Variants in TNRC6B observed in about 807,000 individuals in gnomAD.
The protein encoded by TNRC6B is trinucleotide repeat-containing gene 6B protein.
In TNRC6B, 52 loss-of-function variants were observed where a neutral mutation model predicts 203.6. That is an observed-to-expected ratio of 0.26 (90% confidence interval 0.20 to 0.32). The LOEUF is 0.32. Among genes scored for constraint, TNRC6B ranks in the 10% least tolerant of loss-of-function variants. The pLI, the probability that TNRC6B is intolerant of heterozygous loss-of-function variation, is 1.00. For missense variants in TNRC6B, 1,923 were observed against 2,286.2 expected, an observed-to-expected ratio of 0.84 and a Z score of 3.24; for synonymous variants, 838 against 845.7, an observed-to-expected ratio of 0.99 and a Z score of 0.16.
intron 22 of TNRC6B, 104 bp downstream of exon 22, chr22:40,321,333 G>C (rs2071331376): frequency 7.4e-7 from 1 of 1,347,660 alleles, no homozygotes. Context: ...CATATACGAA[G>C]AATGGCACCG....
intron 1 of TNRC6B, among the ~76,000 whole-genome samples, chr22:40,195,264 G>C (rs756928447): frequency 3.9e-5 from 6 of 152,170 alleles, no homozygotes; most frequent in Non-Finnish European, 7.3e-5. Context: ...TACATGCCAA[G>C]GAAGTTTAGA....
rs930650539 is a variant in TNRC6B, at chr22:40,261,840, G to T, written c.124G>T (p.Val42Leu). 3 of 1,568,248 alleles carry T rather than the reference G, an allele frequency of 1.9e-6. No homozygotes were observed. Among genetic ancestry groups the T allele is most frequent in the African/African-American group, 2.7e-5 (2 of 74,394 alleles). The part of the protein sequence containing the change: ...VTEQKTKVPE[V>L]TKPSLSQPTA... ...CAACCCCTCTCTTTTAGTGCCCGAA[G>T]TGACGAAACCAAGTTTAAGCCAACC... Residue 42 changes from valine to leucine, a missense_variant, in exon 4 of 23, where the codon GTG becomes TTG. Physicochemically the swap from Val to Leu is conservative, Grantham distance 32. This residue lies in a region of TNRC6B where 111 missense variants were observed against 155.3 expected (regional missense o/e 0.71). Transcript: ENST00000454349.
intron 3 of TNRC6B, among the ~76,000 whole-genome samples, chr22:40,128,846 G>C (rs191653952): frequency 6.6e-6 from 1 of 152,044 alleles, no homozygotes; most frequent in Non-Finnish European, 1.5e-5. Flanking sequence ...TATTAAGCAC[G>C]TGTTATCATG....
chr22:40,230,403 G>A (rs527567488), intron 1 of TNRC6B, among the ~76,000 whole-genome samples: 1 of 149,400 alleles, frequency 6.7e-6, no homozygotes, highest in South Asian at 2.1e-4. Flanking sequence ...AATTTCTCCT[G>A]CCTCAGCCTC....
At position 40,328,215 on chromosome 22, in the gene TNRC6B, A is replaced by G. The variant is rs1440186850; in HGVS notation, c.*4974A>G. 1 of 152,220 alleles carries G rather than the reference A, an allele frequency of 6.6e-6. No individual in the cohort carries two copies. The highest frequency in any genetic ancestry group is 1.5e-5 in the Non-Finnish European group (1 of 68,028). The allele number at this position is 152,220 out of a possible 1,614,324, so 9.4% of individuals were successfully genotyped here. ...AGGTTCCAAACCAAATTATTTAATCAGTGTCCCCCCAATAAATCACTTATC... is the reference window on the plus strand; with the variant it reads ...AGGTTCCAAACCAAATTATTTAATCGGTGTCCCCCCAATAAATCACTTATC... On this transcript the variant is annotated 3_prime_UTR_variant, in exon 23 of 23. Coordinates refer to ENST00000454349, the MANE Select transcript of TNRC6B (RefSeq NM_001162501.2).
rs554065578 is a variant in TNRC6B, at chr22:40,162,292, C to G, written c.113+6110C>G. On this transcript the variant is annotated intron_variant, in intron 4 of 23. Coordinates refer to the TNRC6B transcript ENST00000301923. The stretch of plus-strand genomic sequence containing the variant: ...CTATTTTTTAGTAGAGACGGGGTTT[C>G]ACCGTGTTAGCCAGGATGGTTTCAA... Among the ~76,000 whole-genome samples the G allele has an allele frequency of 2.0e-5, 3 of 152,246 alleles. No homozygotes were observed. The East Asian group carries it at 5.8e-4, about 29-fold the overall frequency.
At chr22:40,052,835 A>C (rs188056450) in intron 1 of TNRC6B, among the ~76,000 whole-genome samples, 1 of 152,328 alleles carries the variant, frequency 6.6e-6, no homozygotes, top group Admixed American at 6.5e-5. Context: ...ACAGTTTCTG[A>C]CCAGTTGTGT....
At chr22:40,149,733 G>C (rs1466877806) in intron 3 of TNRC6B, among the ~76,000 whole-genome samples, 1 of 151,516 alleles carries the variant, frequency 6.6e-6, no homozygotes. Context: ...AAACTTTTAG[G>C]GTGGTATGTT....
intron 4 of TNRC6B, among the ~76,000 whole-genome samples, chr22:40,165,891 A>G (rs1221683369): frequency 6.6e-6 from 1 of 152,224 alleles, no homozygotes; most frequent in Non-Finnish European, 1.5e-5. Context: ...TATGGGAACT[A>G]CAGTTCAAGA....
At chr22:40,302,632 C>CAAAAA (rs200078286) in intron 15 of TNRC6B, among the ~76,000 whole-genome samples, 4 of 70,458 alleles carry the variant, frequency 5.7e-5, no homozygotes, top group African/African-American at 2.0e-4. Flanking sequence ...GACCCCATCT[C>CAAAAA]AAAAAAAAAA....
At chr22:40,090,932 C>A (rs528266600) in intron 1 of TNRC6B, among the ~76,000 whole-genome samples, 42 of 152,282 alleles carry the variant, frequency 2.8e-4, no homozygotes, top group African/African-American at 9.6e-4. Flanking sequence ...AAAGAACATA[C>A]AAGAGAAGAC....
chr22:40,217,717 G>A (rs1432239489), intron 1 of TNRC6B, among the ~76,000 whole-genome samples: 9 of 152,118 alleles, frequency 5.9e-5, no homozygotes, highest in African/African-American at 2.2e-4. Flanking sequence ...GCTCACACCT[G>A]TAATCCCAGC....
In TNRC6B at chr22:40,306,224, G is replaced by A. The variant is rs543567266; in HGVS notation, c.4121-2288G>A. ...AGGAAAATCGCTTGAACCCAGAGGC[G>A]AAGGTTGCAGTGAGCCAAGATTGTG... On this transcript the variant is annotated intron_variant, in intron 15 of 22. Transcript: ENST00000454349. 7.2e-5 allele frequency among the ~76,000 whole-genome samples: 11 copies of A among 152,258 alleles called. No homozygotes were observed. In the South Asian group the frequency reaches 8.3e-4, roughly 11 times the overall value.
intron 4 of TNRC6B, among the ~76,000 whole-genome samples, chr22:40,172,651 T>G (rs2069012959): frequency 6.6e-6 from 1 of 152,242 alleles, no homozygotes; most frequent in Non-Finnish European, 1.5e-5. Flanking sequence ...ACCATCTTAG[T>G]CTAAATTCAT....
At chr22:40,314,043 A>G (rs1421587489) in intron 19 of TNRC6B, among the ~76,000 whole-genome samples, 2 of 152,014 alleles carry the variant, frequency 1.3e-5, no homozygotes, top group Non-Finnish European at 2.9e-5. Flanking sequence ...TAAAAACTTA[A>G]CTCTGGTTAC....
At chr22:40,075,103 T>C (rs2067994677) in intron 1 of TNRC6B, among the ~76,000 whole-genome samples, 1 of 147,604 alleles carries the variant, frequency 6.8e-6, no homozygotes, top group Non-Finnish European at 1.5e-5. Flanking sequence ...GTGCTATTAA[T>C]GTCAATTTAG....
intron 3 of TNRC6B, among the ~76,000 whole-genome samples, chr22:40,260,268 G>A (rs1335338538): frequency 6.6e-6 from 1 of 151,604 alleles, no homozygotes; most frequent in Non-Finnish European, 1.5e-5. Flanking sequence ...AGAGAGCGGT[G>A]CAAGTCTTTG....
chr22:40,153,855 T>A (rs1437871411), intron 3 of TNRC6B, among the ~76,000 whole-genome samples: 1 of 151,102 alleles, frequency 6.6e-6, no homozygotes, highest in Non-Finnish European at 1.5e-5. Context: ...GTATTTAATA[T>A]AAATTTTAAT....
intron 21 of TNRC6B, among the ~76,000 whole-genome samples, chr22:40,320,373 A>G (rs1005734509): frequency 2.6e-5 from 4 of 152,190 alleles, no homozygotes; most frequent in South Asian, 2.1e-4. Flanking sequence ...CCACCTACTC[A>G]GGATGCTGAG....
Sources: allele counts gnomAD v4.1 joint callset (sites outside exome capture counted in the v4.1 genomes callset), GRCh38; gene constraint gnomAD v4.1.1; regional missense constraint gnomAD v4.1.1; transcripts MANE v1.5; gene names NCBI Gene and HGNC (gene_info 2026-07-23, HGNC 2026-07-21).